PCNA: variants seen among roughly 807,000 people sequenced by gnomAD.
PCNA encodes DNA sliding clamp PCNA.
A neutral mutation model predicts 27.8 loss-of-function variants in PCNA; 4 were observed. That is an observed-to-expected ratio of 0.14 (90% confidence interval 0.07 to 0.33). The LOEUF is 0.33. PCNA is among the 10% of genes least tolerant of loss of function. The probability of loss-of-function intolerance (pLI) is 1.00; values close to 1 mark genes in which losing one functional copy is unlikely to be tolerated. For missense variants in PCNA, 165 were observed against 327.4 expected, an observed-to-expected ratio of 0.50 and a Z score of 3.83; for synonymous variants, 121 against 119.4, an observed-to-expected ratio of 1.01 and a Z score of -0.09.
chr20:5,120,964 C>G (rs3730415), upstream of PCNA, among the ~76,000 whole-genome samples: 34,682 of 151,908 alleles, frequency 0.23, 7,153 homozygotes, highest in African/African-American at 0.56. Context: ...CTACCACCAC[C>G]CCCGGCTAAT....
At position 5,115,221 on chromosome 20, in the gene PCNA, G is replaced by A; in HGVS notation, c.*62C>T. The A allele has an allele frequency of 7.9e-7, 1 of 1,269,486 alleles. No homozygotes were observed. The highest frequency in any genetic ancestry group is 2.5e-4 in the Middle Eastern group (1 of 4,028). 78.6% of individuals were successfully genotyped at this position (1,269,486 alleles called of 1,614,324 possible). A position where few individuals can be genotyped will look rare whatever the true frequency, so the allele number is the denominator to read the frequency against. The stretch of plus-strand genomic sequence containing the variant: ...GGTGACAGAAAAGACTTCAGTATAT[G>A]CTGGCATCTTAGAAGCAGTTCTCAA... On this transcript the variant is annotated 3_prime_UTR_variant, in exon 6 of 6. Coordinates refer to ENST00000379143, the MANE Select transcript of PCNA (RefSeq NM_182649.2).
chr20:5,119,458 G>T (rs955901866), intron 1 of PCNA, 120 bp downstream of exon 1: 51 of 781,330 alleles, frequency 6.5e-5, no homozygotes, highest in Non-Finnish European at 1.0e-4. Flanking sequence ...TGCGTGGCAG[G>T]CCAATGAGAA....
rs1350760704 is a variant in PCNA at position 5,119,936 on chromosome 20, T to C, written c.-138A>G. The C allele has an allele frequency of 4.5e-6, 3 of 667,650 alleles. No homozygotes were observed. The highest frequency in any genetic ancestry group is 1.8e-5 in the African/African-American group (1 of 55,592). The allele number at this position is 667,650 out of a possible 1,614,324, so 41.4% of individuals were successfully genotyped here. On this transcript the variant is annotated 5_prime_UTR_variant, in exon 1 of 6. Transcript: ENST00000379143. The stretch of plus-strand genomic sequence containing the variant: ...AGACCTAGAAAGACAACGACCACTC[T>C]GCTACGCCTGCAACCGTTTAATGCC...
At chr20:5,115,655 A>C in intron 4 of PCNA, 83 bp from the exon 5 acceptor site, 4 of 1,218,842 alleles carry the variant, frequency 3.3e-6, no homozygotes, top group East Asian at 4.8e-5. Context: ...AAAACCCACA[A>C]ACACTTGTAT....
In PCNA at chr20:5,119,844, G is replaced by C. The variant is rs371098995; in HGVS notation, c.-46C>G. 1.4e-6 allele frequency: 2 copies of C among 1,472,986 alleles called. No individual in the cohort carries two copies. The highest frequency in any genetic ancestry group is 4.9e-5 in the East Asian group (2 of 40,598). The allele number at this position is 1,472,986 out of a possible 1,614,324, so 91.2% of individuals were successfully genotyped here. On this transcript the variant is annotated 5_prime_UTR_variant, in exon 1 of 6. Transcript: ENST00000379143. The stretch of plus-strand genomic sequence containing the variant: ...GCCGCTACAGGCAGGCGGGAAGGAG[G>C]AAAGTCTAGCTGGTTTCGGCTTCAG...
intron 1 of PCNA, among the ~76,000 whole-genome samples, chr20:5,125,628 A>G (rs1266384557): frequency 6.6e-6 from 1 of 152,212 alleles, no homozygotes; most frequent in Non-Finnish European, 1.5e-5. Context: ...TACATCACTT[A>G]CAGGGCAGTG....
chr20:5,124,627 TA>T (rs569256407), upstream of PCNA, among the ~76,000 whole-genome samples: 139 of 124,398 alleles, frequency 1.1e-3, no homozygotes, highest in African/African-American at 2.9e-3. Flanking sequence ...GGAAACTGTC[TA>T]AAAAAAAAAA....
chr20:5,115,672 C>T, intron 4 of PCNA, 100 bp from the exon 5 acceptor site: 3 of 959,724 alleles, frequency 3.1e-6, no homozygotes, highest in Non-Finnish European at 4.6e-6. Flanking sequence ...GTATTGGTCA[C>T]TTTGGAGGGA....
At chr20:5,126,231 C>G (rs931321579) in intron 1 of PCNA, among the ~76,000 whole-genome samples, 3 of 152,172 alleles carry the variant, frequency 2.0e-5, no homozygotes, top group Admixed American at 1.3e-4. Context: ...AACAAACAAA[C>G]AAACCACTGA....
intron 1 of PCNA, among the ~76,000 whole-genome samples, chr20:5,125,326 C>T (rs556846891): frequency 2.0e-5 from 3 of 151,876 alleles, no homozygotes; most frequent in Non-Finnish European, 4.4e-5. Context: ...TCAAAATTAC[C>T]AATAGGAAAT....
At chr20:5,117,690 A>T (rs767353885) in intron 3 of PCNA, 26 bp from the exon 4 acceptor site, 2 of 1,459,246 alleles carry the variant, frequency 1.4e-6, no homozygotes, top group African/African-American at 2.9e-5. Flanking sequence ...ATTTTCCAAA[A>T]GTTAATTGTT....
intron 4 of PCNA, among the ~76,000 whole-genome samples, 188 bp downstream of exon 4, chr20:5,117,282 T>G (rs1314852268): frequency 6.6e-6 from 1 of 152,222 alleles, no homozygotes; most frequent in Non-Finnish European, 1.5e-5. Flanking sequence ...TGAATTTGTA[T>G]TCCCTTCTTG....
rs778720352 is a variant in PCNA, at chr20:5,115,334, T to G, written c.735A>C (p.Gly245=). Residue 245 remains glycine, a synonymous_variant, in exon 6 of 6, where the codon GGA becomes GGC. Transcript: ENST00000379143. ...TGGGAGCCAAGTAGTATTTTAAGTG[T>G]CCCATATCCGCAATTTTATACTCTA... ...LVVEYKIADM[G]HLKYYLAPKI... 6.2e-7 allele frequency: 1 copy of G among 1,613,940 alleles called. No individual in the cohort carries two copies. Among genetic ancestry groups the G allele is most frequent in the East Asian group, 2.2e-5 (1 of 44,856 alleles).
upstream of PCNA, among the ~76,000 whole-genome samples, chr20:5,120,608 C>T (rs2090512790): frequency 6.6e-6 from 1 of 151,788 alleles, no homozygotes; most frequent in Non-Finnish European, 1.5e-5. Flanking sequence ...TAATAAAGTA[C>T]ATTTAATTTT....
At chr20:5,119,409 G>C (rs1282574839) in intron 1 of PCNA, among the ~76,000 whole-genome samples, 169 bp downstream of exon 1, 1 of 152,272 alleles carries the variant, frequency 6.6e-6, no homozygotes, top group East Asian at 1.9e-4. Flanking sequence ...GCCAGCGCGG[G>C]CTTTTCCGAA....
At chr20:5,119,294 GC>G (rs1410269107) in intron 1 of PCNA, among the ~76,000 whole-genome samples, 3 of 152,138 alleles carry the variant, frequency 2.0e-5, no homozygotes, top group African/African-American at 7.2e-5. Flanking sequence ...GATTTAGTGA[GC>G]AAAGAGCCCT....
chr20:5,119,845 A>G lies in PCNA; in HGVS notation c.-47T>C. On this transcript the variant is annotated 5_prime_UTR_variant, in exon 1 of 6. Coordinates refer to ENST00000379143, the MANE Select transcript of PCNA (RefSeq NM_182649.2). ...CCGCTACAGGCAGGCGGGAAGGAGG[A>G]AAGTCTAGCTGGTTTCGGCTTCAGG... 6.8e-7 allele frequency: 1 copy of G among 1,465,240 alleles called. No homozygotes were observed. The highest frequency in any genetic ancestry group is 1.2e-5 in the South Asian group (1 of 82,242). The allele number at this position is 1,465,240 out of a possible 1,614,324, so 90.8% of individuals were successfully genotyped here.
upstream of PCNA, among the ~76,000 whole-genome samples, chr20:5,124,341 A>C (rs1233357411): frequency 6.6e-6 from 1 of 152,204 alleles, no homozygotes; most frequent in African/African-American, 2.4e-5. Context: ...AGCATGCTTA[A>C]GAATGTTTCT....
At chr20:5,116,438 A>C (rs1288510836) in intron 4 of PCNA, among the ~76,000 whole-genome samples, 1 of 152,202 alleles carries the variant, frequency 6.6e-6, no homozygotes, top group African/African-American at 2.4e-5. Flanking sequence ...TTAAAAAAAA[A>C]CCTTTCAACT....
Sources: allele counts gnomAD v4.1 joint callset (sites outside exome capture counted in the v4.1 genomes callset), GRCh38; gene constraint gnomAD v4.1.1; transcripts MANE v1.5; gene names NCBI Gene and HGNC (gene_info 2026-07-23, HGNC 2026-07-21).